The following OSTM1 variants were observed in gnomAD, a reference collection of about 807,000 sequenced individuals.
OSTM1 encodes the protein osteoclastogenesis associated transmembrane protein 1.
OSTM1 carries 26 observed loss-of-function variants against 35.4 expected under a neutral mutation model. The observed-to-expected ratio is 0.73, with a 90% CI of 0.54 to 1.02. The LOEUF is 1.02. Among genes scored for constraint, OSTM1 ranks in the 50% least tolerant of loss-of-function variants. OSTM1 has a pLI of 0.00. For missense variants in OSTM1, 366 were observed against 409.6 expected (o/e 0.89, Z 0.92); for synonymous variants, 181 against 165.0 (o/e 1.10, Z -0.75).
chr6:108,068,727 C>T (rs1335498536), intron 1 of OSTM1, among the ~76,000 whole-genome samples: 4 of 152,196 alleles, frequency 2.6e-5, no homozygotes, highest in Admixed American at 1.3e-4. Flanking sequence ...CAGCCCCTAC[C>T]CTCTCCATTT....
rs900354207 is a variant in OSTM1, at chr6:108,051,222, A to G, written c.616-24T>C. The stretch of plus-strand genomic sequence containing the variant: ...CCCTAAAATGACAAAGGCACATGTA[A>G]TATATACAATAAACATTATATACAA... On this transcript the variant is annotated intron_variant, in intron 3 of 5. Coordinates refer to ENST00000193322, the MANE Select transcript of OSTM1 (RefSeq NM_014028.4). 2.0e-6 allele frequency: 3 copies of G among 1,521,760 alleles called. No homozygotes were observed. The African/African-American group carries it at 4.1e-5, about 21-fold the overall frequency. 94.3% of individuals were successfully genotyped at this position (1,521,760 alleles called of 1,614,324 possible).
In OSTM1 at chr6:108,063,650, A is replaced by C. The variant is rs925851577; in HGVS notation, c.517+535T>G. Among the ~76,000 whole-genome samples the C allele has an allele frequency of 5.3e-5, 8 of 152,334 alleles. No individual in the cohort carries two copies. In the Middle Eastern group the frequency reaches 0.01, roughly 196 times the overall value. ...TACACAATTACACACAAACCTGCAA[A>C]GAAGGTAGAACAGATGTCATCATCC... On this transcript the variant is annotated intron_variant, in intron 2 of 5. Transcript: ENST00000193322.
chr6:108,074,584 A>G lies in OSTM1; in HGVS notation c.68T>C (p.Leu23Pro), dbSNP rs759517954. ...GCCCAGGGCCAGCCCCGACCACAGC[A>G]GCAGCCCCAGCGGCAGCCACGGCGG... ...SLPPWLPLGL[L>P]LWSGLALGAL... Residue 23 changes from leucine (L) to proline (P), a missense_variant, in exon 1 of 6, where the codon CTG (leucine) becomes CCG (proline). Leu to Pro is a moderately conservative substitution (Grantham distance 98). Around this residue, in one of 3 missense-constraint regions of OSTM1, gnomAD observed 236 missense variants for 239.3 expected, o/e 0.99. Coordinates refer to ENST00000193322, the MANE Select transcript of OSTM1 (RefSeq NM_014028.4). 1.0e-5 allele frequency: 16 copies of G among 1,565,584 alleles called. No homozygotes were observed. The highest frequency in any genetic ancestry group is 9.3e-5 in the South Asian group (8 of 86,254).
chr6:108,071,314 GT>G (rs112027916), intron 1 of OSTM1, among the ~76,000 whole-genome samples: 3 of 149,786 alleles, frequency 2.0e-5, no homozygotes, highest in South Asian at 2.1e-4. Flanking sequence ...TTTTGTTTTG[GT>G]TTTTTTTTGC....
chr6:108,066,581 T>C lies in OSTM1; in HGVS notation c.403-2282A>G, dbSNP rs116435183. On this transcript the variant is annotated intron_variant, in intron 1 of 5. Transcript: ENST00000193322. ...GAACTGGAGGTACATCTGTCAACAC[T>C]GGCAGTATTGGTGACACTAACAAGA... Among the ~76,000 whole-genome samples, 1,220 of 152,304 alleles carry C rather than the reference T, an allele frequency of 8.0e-3. 15 individuals are homozygous for C. The highest frequency in any genetic ancestry group is 0.028 in the African/African-American group (1,153 of 41,562).
chr6:108,053,576 T>A (rs1456119922), intron 3 of OSTM1, among the ~76,000 whole-genome samples: 1 of 152,186 alleles, frequency 6.6e-6, no homozygotes, highest in Admixed American at 6.6e-5. Flanking sequence ...AATGGCACGA[T>A]CTCAACTCAC....
chr6:108,071,661 T>C lies in OSTM1; in HGVS notation c.402+2589A>G, dbSNP rs996582237. ...ATGGTTCAACTCCCAAACCAGTCCATATAGCCTTTTAAATCTATAAAGTAC... is the reference window on the plus strand; with the variant it reads ...ATGGTTCAACTCCCAAACCAGTCCACATAGCCTTTTAAATCTATAAAGTAC... On this transcript the variant is annotated intron_variant, in intron 1 of 5. Coordinates refer to ENST00000193322, the MANE Select transcript of OSTM1 (RefSeq NM_014028.4). Among the ~76,000 whole-genome samples the C allele has an allele frequency of 2.0e-5, 3 of 152,012 alleles. No homozygotes were observed. The South Asian group carries it at 6.2e-4, about 32-fold the overall frequency.
rs1395914699 is a variant in OSTM1, at chr6:108,044,781, G to A, written c.*4C>T. ...TGATATGTCAATTCTCCATTTTGTA[G>A]GTCTCAGTTTGAATTTTCCTGAATA... On this transcript the variant is annotated 3_prime_UTR_variant, in exon 6 of 6. Transcript: ENST00000193322. 1.3e-6 allele frequency: 2 copies of A among 1,540,340 alleles called. No homozygotes were observed. The highest frequency in any genetic ancestry group is 3.4e-5 in the Admixed American group (2 of 59,540).
intron 3 of OSTM1, among the ~76,000 whole-genome samples, chr6:108,053,533 C>CAA (rs1241561556): frequency 6.6e-6 from 1 of 152,132 alleles, no homozygotes; most frequent in Admixed American, 6.6e-5. Context: ...TTTTTTGAGA[C>CAA]AGAGTCTCTC....
At chr6:108,065,771 T>C (rs1429902061) in intron 1 of OSTM1, among the ~76,000 whole-genome samples, 1 of 152,214 alleles carries the variant, frequency 6.6e-6, no homozygotes, top group African/African-American at 2.4e-5. Context: ...CCTGAAGTGC[T>C]CTAAGTAGGT....
chr6:108,051,158 T>A lies in OSTM1; in HGVS notation c.656A>T (p.Glu219Val). ...HSLLQTKNYSEVCKNCREAYK... is the reference protein window; with the variant it reads ...HSLLQTKNYSVVCKNCREAYK... ...TGCTTCACGGCAGTTTTTGCATACT[T>A]CTGAATAATTTTTTGTCTGTAAAAG... Residue 219 changes from glutamate to valine, a missense_variant, in exon 4 of 6, where the codon GAA becomes GTA. By Grantham distance (121) the Glu-to-Val change is moderately radical. Transcript: ENST00000193322. 1 of 1,613,618 alleles carries A rather than the reference T, an allele frequency of 6.2e-7. No homozygotes were observed. Among genetic ancestry groups the A allele is most frequent in the Non-Finnish European group, 8.5e-7 (1 of 1,179,656 alleles).
chr6:108,053,812 T>C (rs1772124639), intron 3 of OSTM1, among the ~76,000 whole-genome samples: 2 of 152,210 alleles, frequency 1.3e-5, no homozygotes. Context: ...TGTTACCACA[T>C]TTATTACAGA....
At chr6:108,055,606 C>T (rs1330693752) in intron 2 of OSTM1, among the ~76,000 whole-genome samples, 1 of 152,214 alleles carries the variant, frequency 6.6e-6, no homozygotes, top group African/African-American at 2.4e-5. Flanking sequence ...TGTGGTCAGT[C>T]GTTTCCATCT....
At chr6:108,065,440 G>A (rs966785408) in intron 1 of OSTM1, among the ~76,000 whole-genome samples, 4 of 151,250 alleles carry the variant, frequency 2.6e-5, no homozygotes, top group African/African-American at 9.7e-5. Flanking sequence ...GTTTCACCAT[G>A]TTGGCCTGAC....
At chr6:108,052,247 A>G (rs1364554988) in intron 3 of OSTM1, among the ~76,000 whole-genome samples, 4 of 152,136 alleles carry the variant, frequency 2.6e-5, no homozygotes, top group African/African-American at 9.7e-5. Flanking sequence ...ATCCTGGCTA[A>G]CACGGTGAAA....
chr6:108,049,472 T>C, intron 4 of OSTM1, 54 bp from the exon 5 acceptor site: 1 of 1,596,904 alleles, frequency 6.3e-7, no homozygotes, highest in Non-Finnish European at 8.6e-7. Context: ...TGTCTTCAAT[T>C]TCTTATAATT....
chr6:108,070,684 G>GT lies in OSTM1; in HGVS notation c.402+3565dup, dbSNP rs545827172. 1.6e-3 allele frequency among the ~76,000 whole-genome samples: 249 copies of GT among 151,574 alleles called. 1 individual carries two copies. The highest frequency in any genetic ancestry group is 5.6e-3 in the African/African-American group (230 of 41,320). ...CCGGGTGGACCACCTGAGGTCAGGA[G>GT]TTTGAGACCAGCCTGGCCAACATAG... On this transcript the variant is annotated intron_variant, in intron 1 of 5. Coordinates refer to ENST00000193322, the MANE Select transcript of OSTM1 (RefSeq NM_014028.4).
At position 108,051,052 on chromosome 6, in the gene OSTM1, T is replaced by C. The variant is rs756936481; in HGVS notation, c.762A>G (p.Leu254=). ...TTACTGCATCTTCCACATCAATGCA[T>C]AAATGTGTTCCAGGTTCAGCCTTAT... ...LENKAEPGTH[L]CIDVEDAMNI... Residue 254 remains leucine (L), a synonymous_variant, in exon 4 of 6, where the codon TTA becomes TTG. Transcript: ENST00000193322. 11 of 1,613,656 alleles carry C rather than the reference T, an allele frequency of 6.8e-6. No homozygotes were observed. The highest frequency in any genetic ancestry group is 7.6e-6 in the Non-Finnish European group (9 of 1,179,704).
rs1772562587 is a variant in OSTM1, at chr6:108,074,675, A to T, written c.-24T>A. 1.3e-6 allele frequency: 2 copies of T among 1,515,812 alleles called. No homozygotes were observed. The highest frequency in any genetic ancestry group is 5.1e-5 in the East Asian group (2 of 39,054). The allele number at this position is 1,515,812 out of a possible 1,614,324, so 93.9% of individuals were successfully genotyped here. On this transcript the variant is annotated 5_prime_UTR_variant, in exon 1 of 6. Transcript: ENST00000193322. The stretch of plus-strand genomic sequence containing the variant: ...ATCACCGGGCTCACACACCCCAGGG[A>T]GCCCACCGCCGCCTCTCCGCCCCCA...
Sources: allele counts gnomAD v4.1 joint callset (sites outside exome capture counted in the v4.1 genomes callset), GRCh38; gene constraint gnomAD v4.1.1; regional missense constraint gnomAD v4.1.1; transcripts MANE v1.5; gene names NCBI Gene and HGNC (gene_info 2026-07-23, HGNC 2026-07-21).